ATP6V1H: variants seen among roughly 807,000 people sequenced by gnomAD.
ATP6V1H encodes the protein ATPase H+ transporting V1 subunit H, also known as V-type proton ATPase subunit H.
ATP6V1H carries 39 observed loss-of-function variants against 71.7 expected under a neutral mutation model. That is an observed-to-expected ratio of 0.54 (90% confidence interval 0.42 to 0.71). The LOEUF is 0.71. Among genes scored for constraint, ATP6V1H ranks in the 30% least tolerant of loss-of-function variants. The probability of loss-of-function intolerance (pLI) is 0.00; values close to 1 mark genes in which losing one functional copy is unlikely to be tolerated. For synonymous variants in ATP6V1H, 192 were observed against 199.3 expected (o/e 0.96, Z 0.31); for missense variants, 509 against 594.9 (o/e 0.86, Z 1.50).
At chr8:53,796,267 A>G (rs1017773736) in intron 8 of ATP6V1H, among the ~76,000 whole-genome samples, 1 of 152,202 alleles carries the variant, frequency 6.6e-6, no homozygotes, top group African/African-American at 2.4e-5. Flanking sequence ...ATGGGTTCAA[A>G]TTTGACATAG....
chr8:53,739,075 C>A (rs1243009084), intron 13 of ATP6V1H, among the ~76,000 whole-genome samples: 1 of 152,036 alleles, frequency 6.6e-6, no homozygotes, highest in Non-Finnish European at 1.5e-5. Context: ...ACCAGGTACC[C>A]AGAAAATTTC....
At chr8:53,773,600 TG>T (rs760325611) in intron 9 of ATP6V1H, among the ~76,000 whole-genome samples, 63 of 152,268 alleles carry the variant, frequency 4.1e-4, no homozygotes, top group Non-Finnish European at 8.5e-4. Context: ...CTTTCTGGCC[TG>T]GGGAACCAGA....
At chr8:53,834,898 T>C (rs1046770139) in intron 2 of ATP6V1H, among the ~76,000 whole-genome samples, 29 of 151,978 alleles carry the variant, frequency 1.9e-4, no homozygotes, top group African/African-American at 7.0e-4. Context: ...TCCCAGCACT[T>C]TGAGAGGCCA....
chr8:53,776,125 G>A (rs929738648), intron 9 of ATP6V1H, among the ~76,000 whole-genome samples: 2 of 152,356 alleles, frequency 1.3e-5, no homozygotes, highest in African/African-American at 2.4e-5. Context: ...TACAGCCTCC[G>A]CAGCAGCTGG....
intron 2 of ATP6V1H, among the ~76,000 whole-genome samples, chr8:53,833,924 T>C (rs1381332403): frequency 1.3e-5 from 2 of 152,204 alleles, no homozygotes; most frequent in East Asian, 1.9e-4. Flanking sequence ...AATTTGAAAA[T>C]GATAAGACTA....
intron 11 of ATP6V1H, among the ~76,000 whole-genome samples, chr8:53,766,921 C>T (rs1808491747): frequency 6.6e-6 from 1 of 152,170 alleles, no homozygotes; most frequent in African/African-American, 2.4e-5. Flanking sequence ...CCTCCACTGG[C>T]CTTGTGATAT....
intron 12 of ATP6V1H, among the ~76,000 whole-genome samples, chr8:53,753,046 A>C (rs1226282621): frequency 2.6e-5 from 4 of 152,052 alleles, no homozygotes; most frequent in Admixed American, 6.6e-5. Context: ...GGGAAAAAAA[A>C]AACAACAACC....
At chr8:53,746,807 G>A (rs1807617738) in intron 12 of ATP6V1H, among the ~76,000 whole-genome samples, 1 of 151,594 alleles carries the variant, frequency 6.6e-6, no homozygotes, top group Admixed American at 6.6e-5. Flanking sequence ...TCCAGCTGGT[G>A]GATTACAAAA....
At chr8:53,800,610 T>C (rs1258879455) in intron 8 of ATP6V1H, among the ~76,000 whole-genome samples, 1 of 152,210 alleles carries the variant, frequency 6.6e-6, no homozygotes, top group East Asian at 1.9e-4. Context: ...GGAAATATAG[T>C]ATTCTCAACT....
intron 6 of ATP6V1H, among the ~76,000 whole-genome samples, chr8:53,814,430 C>G (rs1309753116): frequency 6.6e-6 from 1 of 151,912 alleles, no homozygotes; most frequent in Non-Finnish European, 1.5e-5. Flanking sequence ...AAAAGCATGA[C>G]TAAGAAACCC....
At position 53,715,793 on chromosome 8, in the gene ATP6V1H, T is replaced by G; in HGVS notation, c.*171A>C. 1.9e-6 allele frequency: 1 copy of G among 528,694 alleles called. No homozygotes were observed. Among genetic ancestry groups the G allele is most frequent in the Non-Finnish European group, 3.3e-6 (1 of 299,850 alleles). The allele number at this position is 528,694 out of a possible 1,614,324, so 32.8% of individuals were successfully genotyped here. ...ACAGAATCACCTACTTTTATACAAC[T>G]TAACAGGCAAACATGTTATTTTGTT... On this transcript the variant is annotated 3_prime_UTR_variant, in exon 14 of 14. Coordinates refer to ENST00000359530, the MANE Select transcript of ATP6V1H (RefSeq NM_015941.4).
intron 7 of ATP6V1H, chr8:53,806,919 T>G: frequency 2.2e-6 from 1 of 447,078 alleles, no homozygotes; most frequent in Non-Finnish European, 4.5e-6. Context: ...ACCAAATGTA[T>G]ATGCTTTTCA....
chr8:53,772,296 A>G (rs2130322321), intron 9 of ATP6V1H, 129 bp from the exon 10 acceptor site: 2 of 706,420 alleles, frequency 2.8e-6, no homozygotes, highest in Admixed American at 3.0e-5. Flanking sequence ...CTTTAAGTGG[A>G]TGACTCTATC....
rs143292329 is a variant in ATP6V1H, at chr8:53,804,691, G to A, written c.580-2795C>T. Among the ~76,000 whole-genome samples the A allele has an allele frequency of 3.7e-4, 57 of 152,226 alleles. 1 individual carries two copies. The highest frequency in any genetic ancestry group is 1.3e-3 in the African/African-American group (53 of 41,548). On this transcript the variant is annotated intron_variant, in intron 7 of 13. Transcript: ENST00000359530. Reference sequence around the variant, plus strand: ...CCTGTCTCAAAAAAAAGAAAATAGCGAGTTAATCTTAGATTGGCAGTAGAA... The same window carrying A: ...CCTGTCTCAAAAAAAAGAAAATAGCAAGTTAATCTTAGATTGGCAGTAGAA...
At chr8:53,797,891 G>A (rs1220979497) in intron 8 of ATP6V1H, among the ~76,000 whole-genome samples, 3 of 152,094 alleles carry the variant, frequency 2.0e-5, no homozygotes, top group Admixed American at 2.0e-4. Context: ...AAGGGCAAAT[G>A]TGTACTTAGT....
At chr8:53,800,059 C>T (rs1293092975) in intron 8 of ATP6V1H, among the ~76,000 whole-genome samples, 1 of 152,176 alleles carries the variant, frequency 6.6e-6, no homozygotes, top group Non-Finnish European at 1.5e-5. Context: ...ACATAACTAA[C>T]TTCTAATAAA....
chr8:53,827,958 C>G lies in ATP6V1H; in HGVS notation c.306+1486G>C, dbSNP rs190821541. On this transcript the variant is annotated intron_variant, in intron 4 of 13. Transcript: ENST00000359530. ...GACATGCTCTCATTCTGTTTTATGG[C>G]CGTATAGTATTCCATGGAGTATATG... Among the ~76,000 whole-genome samples the G allele has an allele frequency of 1.6e-3, 245 of 152,300 alleles. 2 individuals carry two copies. The highest frequency in any genetic ancestry group is 5.6e-3 in the African/African-American group (231 of 41,568).
At chr8:53,759,612 A>G (rs1294461935) in intron 11 of ATP6V1H, among the ~76,000 whole-genome samples, 1 of 152,268 alleles carries the variant, frequency 6.6e-6, no homozygotes. Flanking sequence ...ATCTGTTCAA[A>G]TCAAATTAGA....
In ATP6V1H at chr8:53,839,586, G is replaced by GTA. The variant is rs926966609; in HGVS notation, c.113+1991_113+1992insTA. On this transcript the variant is annotated intron_variant, in intron 2 of 13. Transcript: ENST00000359530. ...TTCCAATACCTTGGTTACTGCTATAGCTTCTCTCTACCTCTAGACTTATCA... is the reference window on the plus strand; with the variant it reads ...TTCCAATACCTTGGTTACTGCTATAGTACTTCTCTCTACCTCTAGACTTATCA... 5.1e-6 allele frequency: 5 copies of GTA among 984,100 alleles called. No individual in the cohort carries two copies. In the African/African-American group the frequency reaches 8.8e-5, roughly 17 times the overall value. The allele number at this position is 984,100 out of a possible 1,614,324, so 61.0% of individuals were successfully genotyped here.
Sources: allele counts gnomAD v4.1 joint callset (sites outside exome capture counted in the v4.1 genomes callset), GRCh38; gene constraint gnomAD v4.1.1; transcripts MANE v1.5; gene names NCBI Gene and HGNC (gene_info 2026-07-23, HGNC 2026-07-21).